The following DOCK2 variants were observed in gnomAD, a reference collection of about 807,000 sequenced individuals.
DOCK2 encodes dedicator of cytokinesis 2, also known as dedicator of cytokinesis protein 2.
A neutral mutation model predicts 248.9 loss-of-function variants in DOCK2; 87 were observed. That is an observed-to-expected ratio of 0.35 (90% CI 0.29 to 0.42). DOCK2 has a LOEUF of 0.42. Among genes scored for constraint, DOCK2 ranks in the 10% least tolerant of loss-of-function variants. DOCK2 has a pLI of 1.00. For synonymous variants in DOCK2, 805 were observed against 821.6 expected, an observed-to-expected ratio of 0.98 and a Z score of 0.35; for missense variants, 1,747 against 2,300.2, an observed-to-expected ratio of 0.76 and a Z score of 4.92.
At chr5:169,890,529 C>CA (rs888358996) in intron 27 of DOCK2, among the ~76,000 whole-genome samples, 3 of 152,214 alleles carry the variant, frequency 2.0e-5, no homozygotes, top group African/African-American at 7.2e-5. Context: ...TTATATATTC[C>CA]AAAAATATAC....
chr5:169,925,562 A>T lies in DOCK2; in HGVS notation c.2800-57506A>T, dbSNP rs146797984. Among the ~76,000 whole-genome samples, 1,048 of 140,850 alleles carry T rather than the reference A, an allele frequency of 7.4e-3. 17 individuals are homozygous for T. The highest frequency in any genetic ancestry group is 0.035 in the Middle Eastern group (10 of 284). 92.4% of individuals were successfully genotyped at this position (140,850 alleles called of 152,430 possible). ...GCCACTGAACTCCAGCCTGGGCGACAGAGCAAGACTCTGTCTTAAAAAAAA... is the reference window on the plus strand; with the variant it reads ...GCCACTGAACTCCAGCCTGGGCGACTGAGCAAGACTCTGTCTTAAAAAAAA... On this transcript the variant is annotated intron_variant, in intron 27 of 51. Transcript: ENST00000520908.
chr5:170,040,727 G>A, intron 36 of DOCK2: 1 of 250,070 alleles, frequency 4.0e-6, no homozygotes, highest in East Asian at 6.3e-5. Flanking sequence ...TTATCAAGTT[G>A]CATGTTAGCT....
In DOCK2 at chr5:170,057,568, G is replaced by GC; in HGVS notation, c.4381-9dup. ...GCTTTCCTGCCCTTGCCACCCCTCT[G>GC]CCCACGGACAGTCCATGTGGATTGA... On this transcript the variant is annotated splice_polypyrimidine_tract_variant and intron_variant, in intron 43 of 51. Transcript: ENST00000520908. 6.2e-7 allele frequency: 1 copy of GC among 1,612,836 alleles called. No homozygotes were observed. Among genetic ancestry groups the GC allele is most frequent in the East Asian group, 2.2e-5 (1 of 44,882 alleles).
intron 9 of DOCK2, among the ~76,000 whole-genome samples, chr5:169,690,645 T>C (rs1012511453): frequency 7.2e-5 from 11 of 152,228 alleles, no homozygotes; most frequent in Admixed American, 7.2e-4. Context: ...TCTGGATAAA[T>C]AGGAGAGTCC....
intron 27 of DOCK2, among the ~76,000 whole-genome samples, chr5:169,959,437 G>C (rs1776997532): frequency 6.6e-6 from 1 of 151,920 alleles, no homozygotes; most frequent in South Asian, 2.1e-4. Context: ...TCATTCTGCA[G>C]AAGTAGAACT....
chr5:169,685,833 A>G (rs577184616), intron 8 of DOCK2, among the ~76,000 whole-genome samples: 2 of 152,334 alleles, frequency 1.3e-5, no homozygotes, highest in African/African-American at 4.8e-5. Context: ...CAACTTGCCC[A>G]AAGTCACAAA....
intron 27 of DOCK2, among the ~76,000 whole-genome samples, chr5:169,969,661 T>C (rs1286777191): frequency 6.6e-6 from 1 of 152,194 alleles, no homozygotes; most frequent in Non-Finnish European, 1.5e-5. Context: ...ACACGTGCAG[T>C]GCCTACAGGG....
chr5:169,855,921 G>A lies in DOCK2; in HGVS notation c.2799+15069G>A, dbSNP rs543230570. Among the ~76,000 whole-genome samples the A allele has an allele frequency of 5.9e-5, 9 of 152,262 alleles. 1 individual carries two copies. The South Asian group carries it at 1.2e-3, about 21-fold the overall frequency. Reference sequence around the variant, plus strand: ...ATTTACTCACAGTTCCATGTGGCTGGGGAGGCCTCAGGAAACTTACAATCA... The same window carrying A: ...ATTTACTCACAGTTCCATGTGGCTGAGGAGGCCTCAGGAAACTTACAATCA... On this transcript the variant is annotated intron_variant, in intron 27 of 51. Transcript: ENST00000520908.
chr5:169,827,404 A>T (rs1768936310), intron 26 of DOCK2, among the ~76,000 whole-genome samples: 1 of 152,148 alleles, frequency 6.6e-6, no homozygotes, highest in Admixed American at 6.5e-5. Context: ...CTGAAAGAAA[A>T]CCTTAATGTG....
chr5:170,069,282 C>T lies in DOCK2; in HGVS notation c.4728+62C>T. On this transcript the variant is annotated intron_variant, in intron 46 of 51. Transcript: ENST00000520908. ...CTTCCTCTCCCCCCACCGTGGTTCA[C>T]TTGCCCCACGCTAGGCTCTAGCTGA... The T allele has an allele frequency of 1.9e-6, 3 of 1,560,710 alleles. No homozygotes were observed. In the South Asian group the frequency reaches 3.4e-5, roughly 18 times the overall value.
Position 170,078,985 on chromosome 5 carries a change from G to A in DOCK2, c.5005G>A (p.Glu1669Lys). 1 of 1,614,032 alleles carries A rather than the reference G, an allele frequency of 6.2e-7. No individual in the cohort carries two copies. The highest frequency in any genetic ancestry group is 2.2e-5 in the East Asian group (1 of 44,874). ...CCTCTGGCCTTTCAGCTTTGACCTG[G>A]AATTAGCATCACCCAAGACGCCGAG... is the stretch of plus-strand genomic sequence containing the variant. ...SKPTSESFDL[E>K]LASPKTPRVE... is the part of the protein sequence containing the mutation. The change falls in exon 49 of 52, where the codon GAA (glutamate) becomes AAA (lysine). Residue 1669 changes from glutamate (E) to lysine (K), a missense_variant. Glu to Lys is a moderately conservative substitution (Grantham distance 56). Transcript: ENST00000520908.
intron 27 of DOCK2, among the ~76,000 whole-genome samples, chr5:169,932,173 A>G (rs1305828577): frequency 2.6e-5 from 4 of 152,186 alleles, no homozygotes; most frequent in African/African-American, 9.7e-5. Context: ...ATTAACATCA[A>G]CGGTGAGTAT....
intron 27 of DOCK2, among the ~76,000 whole-genome samples, chr5:169,960,024 C>T (rs898665320): frequency 6.6e-6 from 1 of 152,124 alleles, no homozygotes. Flanking sequence ...GGCAGAGTGT[C>T]GGATCTCAGG....
chr5:169,724,751 C>CTT lies in DOCK2; in HGVS notation c.2267+5973_2267+5974dup, dbSNP rs57297495. 2.9e-4 allele frequency among the ~76,000 whole-genome samples: 42 copies of CTT among 145,184 alleles called. 1 individual carries two copies. The highest frequency in any genetic ancestry group is 6.2e-4 in the Admixed American group (9 of 14,574). ...CCGGCTTTCTGGTACTTTCTTTTGTCTTTTTTTTTTTTTTCTTATTTGCCT... is the reference window on the plus strand; with the variant it reads ...CCGGCTTTCTGGTACTTTCTTTTGTCTTTTTTTTTTTTTTTTCTTATTTGCCT... On this transcript the variant is annotated intron_variant, in intron 22 of 51. Transcript: ENST00000520908.
chr5:170,021,361 G>A (rs1370947974), intron 33 of DOCK2, among the ~76,000 whole-genome samples: 1 of 152,230 alleles, frequency 6.6e-6, no homozygotes, highest in African/African-American at 2.4e-5. Context: ...ACCCACTTCT[G>A]AGGCCAGCGG....
chr5:169,923,067 G>A (rs1030902465), intron 27 of DOCK2, among the ~76,000 whole-genome samples: 48 of 152,120 alleles, frequency 3.2e-4, no homozygotes, highest in African/African-American at 1.2e-3. Flanking sequence ...AATTCCCTGG[G>A]GGACACAGAG....
intron 26 of DOCK2, among the ~76,000 whole-genome samples, chr5:169,840,149 C>T (rs1003505630): frequency 4.6e-5 from 7 of 152,122 alleles, no homozygotes; most frequent in African/African-American, 1.2e-4. Context: ...GGGGAGGCCT[C>T]GGGACACTTT....
chr5:170,056,131 G>T (rs1561901098), intron 42 of DOCK2, among the ~76,000 whole-genome samples: 1 of 152,228 alleles, frequency 6.6e-6, no homozygotes, highest in Non-Finnish European at 1.5e-5. Context: ...GCCTCACGAA[G>T]TGCCACAGCA....
intron 22 of DOCK2, among the ~76,000 whole-genome samples, chr5:169,733,738 TCTA>T (rs1200495072): frequency 2.0e-5 from 3 of 152,132 alleles, no homozygotes; most frequent in African/African-American, 7.2e-5. Flanking sequence ...TTTACTGTCA[TCTA>T]CTGTTAATGT....
Sources: gnomAD v4.1 joint callset for allele counts (sites outside exome capture counted in the v4.1 genomes callset) on GRCh38, gnomAD v4.1.1 for gene constraint, MANE v1.5 for transcripts, NCBI Gene and HGNC (gene_info 2026-07-23, HGNC 2026-07-21) for gene names.